CEP350: variants seen among roughly 807,000 people sequenced by gnomAD.
CEP350 encodes the protein centrosomal protein 350.
A neutral mutation model predicts 331.8 loss-of-function variants in CEP350; 126 were observed. The observed-to-expected ratio is 0.38, with a 90% CI of 0.33 to 0.44. The LOEUF is 0.44. Among genes scored for constraint, CEP350 ranks in the 20% least tolerant of loss-of-function variants. The probability of loss-of-function intolerance (pLI) is 1.00; values close to 1 mark genes in which losing one functional copy is unlikely to be tolerated. For synonymous variants in CEP350, 1,200 were observed against 1,259.5 expected, an observed-to-expected ratio of 0.95 and a Z score of 1.00; for missense variants, 3,406 against 3,634.6, an observed-to-expected ratio of 0.94 and a Z score of 1.62.
In CEP350 at chr1:180,092,917, T is replaced by C. The variant is rs546404780; in HGVS notation, c.6812T>C (p.Ile2271Thr). 365 of 1,578,924 alleles carry C rather than the reference T, an allele frequency of 2.3e-4. No individual in the cohort carries two copies. Among genetic ancestry groups the C allele is most frequent in the Non-Finnish European group, 2.9e-4 (341 of 1,160,500 alleles). Reference sequence around the variant, plus strand: ...TATACAAAATTGAAGAAGAGTAAGATTGAAGATGCCTTTTCTAAAGAAGGT... The same window carrying C: ...TATACAAAATTGAAGAAGAGTAAGACTGAAGATGCCTTTTCTAAAGAAGGT... Reference protein sequence around the residue: ...IEYTKLKKSKIEDAFSKEGKS... With the variant: ...IEYTKLKKSKTEDAFSKEGKS... The change falls in exon 34 of 38, where the codon ATT becomes ACT. Residue 2271 changes from isoleucine (I) to threonine (T), a missense_variant. Physicochemically the swap from Ile to Thr is moderately conservative, Grantham distance 89. This residue lies in a region of CEP350 where 1,415 missense variants were observed against 1,512.3 expected (regional missense o/e 0.94). Coordinates refer to ENST00000367607, the MANE Select transcript of CEP350 (RefSeq NM_014810.5).
chr1:179,990,613 G>T lies in CEP350; in HGVS notation c.227G>T (p.Ser76Ile), dbSNP rs749658362. ...KSSTSATRKI[S>I]RKDGRYLDDS... ...TCTACAAGTGCTACTCGAAAAATAA[G>T]TAGAAAAGGTATGTATGAAGTTACT... The change falls in exon 4 of 38, where the codon AGT (serine) becomes ATT (isoleucine). Residue 76 changes from serine to isoleucine, a missense_variant. Physicochemically the swap from Ser to Ile is moderately radical, Grantham distance 142. Around this residue, in one of 5 missense-constraint regions of CEP350, gnomAD observed 1,857 missense variants for 1,909.2 expected, o/e 0.97. Coordinates refer to ENST00000367607, the MANE Select transcript of CEP350 (RefSeq NM_014810.5). 1 of 1,554,518 alleles carries T rather than the reference G, an allele frequency of 6.4e-7. No individual in the cohort carries two copies. Among genetic ancestry groups the T allele is most frequent in the South Asian group, 1.2e-5 (1 of 85,560 alleles).
intron 8 of CEP350, 24 bp from the exon 9 acceptor site, chr1:180,011,905 T>C (rs1215500319): frequency 6.5e-7 from 1 of 1,540,232 alleles, no homozygotes; most frequent in African/African-American, 1.4e-5. Context: ...TAAGTTTTAA[T>C]TTCAGTGCCA....
In CEP350 at chr1:180,071,725, T is replaced by C. The variant is rs1444272068; in HGVS notation, c.5568-3297T>C. On this transcript the variant is annotated intron_variant, in intron 27 of 37. Transcript: ENST00000367607. ...TGAACCTGGGAGGTGGAGGTTGAAG[T>C]GAACTGAGATGGTGCCACTGCACTC... Among the ~76,000 whole-genome samples the C allele has an allele frequency of 3.3e-5, 5 of 151,462 alleles. No individual in the cohort carries two copies. In the South Asian group the frequency reaches 8.3e-4, roughly 25 times the overall value.
chr1:180,073,993 C>T (rs1414170511), intron 27 of CEP350: 3 of 1,201,050 alleles, frequency 2.5e-6, no homozygotes, highest in Non-Finnish European at 3.3e-6. Context: ...CTCTCTCTCT[C>T]TCTTTTTTTT....
rs753782928 is a variant in CEP350 at position 180,020,373 on chromosome 1, C to T, written c.2599C>T (p.Pro867Ser). 18 of 1,613,596 alleles carry T rather than the reference C, an allele frequency of 1.1e-5. No homozygotes were observed. Among genetic ancestry groups the T allele is most frequent in the Non-Finnish European group, 1.5e-5 (18 of 1,179,894 alleles). Residue 867 changes from proline to serine, a missense_variant, in exon 12 of 38, where the codon CCT (proline) becomes TCT (serine). This residue lies in a region of CEP350 where 1,857 missense variants were observed against 1,909.2 expected (regional missense o/e 0.97). Coordinates refer to ENST00000367607, the MANE Select transcript of CEP350 (RefSeq NM_014810.5). ...WNTEYDVQQA[P>S]QEDGPWTKAV... ...CACTGAGTATGATGTGCAGCAGGCA[C>T]CTCAAGAAGATGGACCTTGGACCAA...
chr1:180,106,187 C>G (rs1661130348), intron 37 of CEP350, among the ~76,000 whole-genome samples: 1 of 152,122 alleles, frequency 6.6e-6, no homozygotes, highest in South Asian at 2.1e-4. Flanking sequence ...TAGAATTGCA[C>G]CTAAGATGAC....
chr1:179,999,014 CA>C (rs1430526624), intron 6 of CEP350, among the ~76,000 whole-genome samples: 1 of 152,064 alleles, frequency 6.6e-6, no homozygotes, highest in Non-Finnish European at 1.5e-5. Context: ...GTATCACATC[CA>C]TACTATTGGC....
intron 1 of CEP350, among the ~76,000 whole-genome samples, chr1:179,965,054 C>G (rs1263427048): frequency 6.6e-6 from 1 of 152,026 alleles, no homozygotes; most frequent in Non-Finnish European, 1.5e-5. Context: ...AAACTTTCTC[C>G]TTAACATTGC....
intron 32 of CEP350, among the ~76,000 whole-genome samples, chr1:180,088,697 T>G (rs1176666600): frequency 6.6e-6 from 1 of 152,240 alleles, no homozygotes; most frequent in Non-Finnish European, 1.5e-5. Context: ...TAGCTGGTTC[T>G]GTAACTGTGG....
At chr1:180,107,127 T>C (rs148971251) in intron 37 of CEP350, among the ~76,000 whole-genome samples, 24 of 152,330 alleles carry the variant, frequency 1.6e-4, no homozygotes, top group Non-Finnish European at 2.2e-4. Context: ...ACAAAACTTA[T>C]CTATTCTATA....
rs1456681893 is a variant in CEP350, at chr1:179,958,567, T to G, written c.-14+3425T>G. ...GCAGCTGAGCATATCCTTCAGCTCCTGGAACCATGCGGTGGACCTTCTGGA... is the reference window on the plus strand; with the variant it reads ...GCAGCTGAGCATATCCTTCAGCTCCGGGAACCATGCGGTGGACCTTCTGGA... On this transcript the variant is annotated intron_variant, in intron 1 of 37. Transcript: ENST00000367607. Among the ~76,000 whole-genome samples the G allele has an allele frequency of 1.3e-3, 195 of 152,342 alleles. 1 individual carries two copies.
rs536337399 is a variant in CEP350, at chr1:180,086,327, A to G, written c.6286-1251A>G. 5.9e-5 allele frequency among the ~76,000 whole-genome samples: 9 copies of G among 152,262 alleles called. No homozygotes were observed. The South Asian group carries it at 1.5e-3, about 25-fold the overall frequency. On this transcript the variant is annotated intron_variant, in intron 31 of 37. Coordinates refer to ENST00000367607, the MANE Select transcript of CEP350 (RefSeq NM_014810.5). ...TTGGATTTCATCTTATACGTCAACTAATGAGGAGTCATTGAAATAACTGTT... is the reference window on the plus strand; with the variant it reads ...TTGGATTTCATCTTATACGTCAACTGATGAGGAGTCATTGAAATAACTGTT...
intron 19 of CEP350, 99 bp from the exon 20 acceptor site, chr1:180,042,957 C>G (rs1656864809): frequency 1.5e-6 from 2 of 1,368,788 alleles, no homozygotes. Flanking sequence ...TGCTTGTTCT[C>G]AAGTCAGTGA....
In CEP350 at chr1:179,996,548, T is replaced by G. The variant is rs1271169508; in HGVS notation, c.396-5T>G. On this transcript the variant is annotated splice_polypyrimidine_tract_variant and splice_region_variant and intron_variant, in intron 5 of 37. Transcript: ENST00000367607. ...AGTCACAGAGCTTATTATTTTTTAT[T>G]GTAGGGAAATCCATGGTGCACCTTC... 7 of 1,528,530 alleles carry G rather than the reference T, an allele frequency of 4.6e-6. No homozygotes were observed. The African/African-American group carries it at 9.7e-5, about 21-fold the overall frequency. The allele number at this position is 1,528,530 out of a possible 1,614,324, so 94.7% of individuals were successfully genotyped here. A position where few individuals can be genotyped will look rare whatever the true frequency, so the allele number is the denominator to read the frequency against.
chr1:180,041,947 A>G, intron 19 of CEP350, 145 bp downstream of exon 19: 1 of 684,800 alleles, frequency 1.5e-6, no homozygotes, highest in Non-Finnish European at 2.4e-6. Context: ...CTATTGAAAT[A>G]AGAGGCACCA....
chr1:180,103,314 G>A (rs1660933939), intron 37 of CEP350, among the ~76,000 whole-genome samples: 1 of 152,140 alleles, frequency 6.6e-6, no homozygotes, highest in South Asian at 2.1e-4. Flanking sequence ...CACAATTGCC[G>A]GCATTCGCTT....
intron 21 of CEP350, among the ~76,000 whole-genome samples, chr1:180,045,797 G>C (rs1657079103): frequency 6.6e-6 from 1 of 152,270 alleles, no homozygotes; most frequent in East Asian, 1.9e-4. Context: ...GTATCCCTCA[G>C]AATATTCAAA....
At position 180,111,316 on chromosome 1, in the gene CEP350, C is replaced by T; in HGVS notation, c.*155C>T. ...ATGGAGTTCATAGGACAATGTGGTA[C>T]ACCTGGTATTACAGCCTTTGCCTTT... On this transcript the variant is annotated 3_prime_UTR_variant, in exon 38 of 38. Transcript: ENST00000367607. The T allele has an allele frequency of 1.2e-6, 1 of 845,696 alleles. No homozygotes were observed. The highest frequency in any genetic ancestry group is 1.8e-6 in the Non-Finnish European group (1 of 561,744). 52.4% of individuals were successfully genotyped at this position (845,696 alleles called of 1,614,324 possible). A position where few individuals can be genotyped will look rare whatever the true frequency, so the allele number is the denominator to read the frequency against.
intron 29 of CEP350, among the ~76,000 whole-genome samples, chr1:180,080,227 C>A (rs927830653): frequency 3.9e-5 from 6 of 152,068 alleles, no homozygotes; most frequent in African/African-American, 1.2e-4. Context: ...ATTACTGACA[C>A]AATAATCACT....
Sources: gnomAD v4.1 joint callset for allele counts (sites outside exome capture counted in the v4.1 genomes callset) on GRCh38, gnomAD v4.1.1 for gene constraint, gnomAD v4.1.1 regional missense constraint, MANE v1.5 for transcripts, NCBI Gene and HGNC (gene_info 2026-07-23, HGNC 2026-07-21) for gene names.